RPL23A: variants seen among roughly 807,000 people sequenced by gnomAD.
RPL23A encodes large ribosomal subunit protein uL23.
Under a neutral mutation model 17.6 loss-of-function variants are expected in RPL23A, and 2 were observed. The ratio of observed to expected loss-of-function variants is 0.11; its 90% confidence interval spans 0.05 to 0.36. The LOEUF is 0.36. Among genes scored for constraint, RPL23A ranks in the 10% least tolerant of loss-of-function variants. The probability of loss-of-function intolerance (pLI) is 1.00; values close to 1 mark genes in which losing one functional copy is unlikely to be tolerated. For synonymous variants in RPL23A, 65 were observed against 74.3 expected (o/e 0.87, Z 0.65); for missense variants, 132 against 194.4 (o/e 0.68, Z 1.91).
At chr17:28,723,662 C>G (rs1349617763) in intron 4 of RPL23A, 22 bp downstream of exon 4, 1 of 1,606,196 alleles carries the variant, frequency 6.2e-7, no homozygotes, top group Non-Finnish European at 8.5e-7. Flanking sequence ...TCCTACAAAC[C>G]CCTTAATGCT....
intron 3 of RPL23A, 33 bp from the exon 4 acceptor site, chr17:28,723,538 T>C (rs761416666): frequency 1.3e-6 from 2 of 1,538,476 alleles, no homozygotes; most frequent in Admixed American, 1.7e-5. Flanking sequence ...GCAGTGAGGG[T>C]GGCAGGGACT....
rs77615564 is a variant in RPL23A, at chr17:28,722,975, C to G, written c.386+76C>G. On this transcript the variant is annotated intron_variant, in intron 3 of 4. Transcript: ENST00000422514. ...CCAAAAAAACCTGCATTCCATGAAG[C>G]TTTTTGATGTTTAGGTAGTCCTGGT... 4.8e-3 allele frequency: 5,733 copies of G among 1,184,174 alleles called. 217 individuals carry two copies. The African/African-American group carries it at 0.076, about 16-fold the overall frequency. 73.4% of individuals were successfully genotyped at this position (1,184,174 alleles called of 1,614,324 possible).
At chr17:28,723,760 C>A (rs571107785) in intron 4 of RPL23A, 107 bp from the exon 5 acceptor site, 1 of 1,378,360 alleles carries the variant, frequency 7.3e-7, no homozygotes, top group East Asian at 2.3e-5. Context: ...CACCCCTATC[C>A]TTGACAAACC....
intron 2 of RPL23A, 95 bp from the exon 3 acceptor site, chr17:28,722,628 A>G: frequency 2.0e-6 from 2 of 1,016,906 alleles, no homozygotes; most frequent in Non-Finnish European, 3.2e-6. Flanking sequence ...GAACAAAGTG[A>G]TTGGTACCTC....
intron 2 of RPL23A, chr17:28,721,128 G>A (rs1335527254): frequency 4.4e-5 from 18 of 407,212 alleles, no homozygotes; most frequent in East Asian, 4.2e-4. Context: ...GAGGGGGGGC[G>A]GATCACTTGA....
At chr17:28,720,317 G>A (rs1055838216) in intron 1 of RPL23A, 1 of 1,550,640 alleles carries the variant, frequency 6.4e-7, no homozygotes, top group Non-Finnish European at 8.7e-7. Context: ...GGAGCTCCAT[G>A]TCCCCGGGCC....
intron 4 of RPL23A, 32 bp downstream of exon 4, chr17:28,723,672 T>C: frequency 6.3e-7 from 1 of 1,598,942 alleles, no homozygotes; most frequent in African/African-American, 1.3e-5. Flanking sequence ...CCCTTAATGC[T>C]CACCCCTTGG....
intron 1 of RPL23A, chr17:28,720,381 A>G (rs2034091735): frequency 1.3e-6 from 2 of 1,569,706 alleles, no homozygotes; most frequent in African/African-American, 1.4e-5. Context: ...TTCATGTTCA[A>G]CCGGGCTACA....
At chr17:28,721,278 C>T (rs7216105) in intron 2 of RPL23A, 19,977 of 198,396 alleles carry the variant, frequency 0.1, 1,104 homozygotes, top group South Asian at 0.15. Flanking sequence ...CGCTTGAACC[C>T]GGGAGGTGGA....
At chr17:28,721,134 C>T (rs149578985) in intron 2 of RPL23A, 180 of 399,154 alleles carry the variant, frequency 4.5e-4, no homozygotes, top group African/African-American at 3.1e-3. Context: ...GGGCGGATCA[C>T]TTGAGGTCAG....
intron 2 of RPL23A, chr17:28,722,489 T>C (rs2034133318): frequency 1.5e-6 from 1 of 661,944 alleles, no homozygotes; most frequent in Non-Finnish European, 2.9e-6. Flanking sequence ...GAGATGATTC[T>C]TTAATCACTT....
intron 3 of RPL23A, among the ~76,000 whole-genome samples, chr17:28,723,113 TAAAAAAA>T (rs774938617): frequency 3.0e-5 from 4 of 131,538 alleles, no homozygotes; most frequent in South Asian, 4.9e-4. Flanking sequence ...AGGCCCTTTT[TAAAAAAA>T]AAAAAAAAAA....
rs1406289236 is a variant in RPL23A at position 28,720,929 on chromosome 17, A to G, written c.209+39A>G. 16 of 1,565,318 alleles carry G rather than the reference A, an allele frequency of 1.0e-5. No individual in the cohort carries two copies. In the South Asian group the frequency reaches 1.7e-4, roughly 16 times the overall value. On this transcript the variant is annotated intron_variant, in intron 2 of 4. Transcript: ENST00000422514. ...CCTGTACCCATGAAAAGATTTGGGT[A>G]TTCTCCATTGGTAATTTGGAAATTC... is the stretch of plus-strand genomic sequence containing the variant.
At chr17:28,723,799 T>C in intron 4 of RPL23A, 68 bp from the exon 5 acceptor site, 1 of 1,512,508 alleles carries the variant, frequency 6.6e-7, no homozygotes, top group Non-Finnish European at 9.2e-7. Flanking sequence ...TTTTGCTTTC[T>C]AAAAATAACA....
At chr17:28,720,086 G>A in intron 1 of RPL23A, 56 bp downstream of exon 1, 1 of 1,548,362 alleles carries the variant, frequency 6.5e-7, no homozygotes, top group South Asian at 1.2e-5. Flanking sequence ...GCGCCGCAGA[G>A]CGAACGAATT....
intron 2 of RPL23A, chr17:28,722,428 C>T: frequency 4.1e-6 from 2 of 492,808 alleles, no homozygotes; most frequent in Non-Finnish European, 7.9e-6. Context: ...CAGCCTGCCT[C>T]AGCCTCCCAA....
chr17:28,723,008 G>T (rs1358535263), intron 3 of RPL23A, 109 bp downstream of exon 3: 2 of 792,160 alleles, frequency 2.5e-6, no homozygotes, highest in East Asian at 5.3e-5. Context: ...GGTAATGCAG[G>T]ACTACACGTG....
At chr17:28,722,440 G>A (rs1045267261) in intron 2 of RPL23A, 36 of 522,398 alleles carry the variant, frequency 6.9e-5, no homozygotes, top group Non-Finnish European at 1.3e-4. Context: ...GCCTCCCAAA[G>A]TGCTGGGAAT....
intron 2 of RPL23A, among the ~76,000 whole-genome samples, chr17:28,722,119 C>T (rs1343133271): frequency 4.0e-5 from 6 of 149,130 alleles, no homozygotes; most frequent in African/African-American, 5.0e-5. Context: ...TGGTGGCAGG[C>T]GCCGCTAGTC....
Sources: gnomAD v4.1 joint callset for allele counts (sites outside exome capture counted in the v4.1 genomes callset) on GRCh38, gnomAD v4.1.1 for gene constraint, MANE v1.5 for transcripts, NCBI Gene and HGNC (gene_info 2026-07-23, HGNC 2026-07-21) for gene names.